ERC2: variants seen among roughly 807,000 people sequenced by gnomAD.
The protein encoded by ERC2 is ELKS/RAB6-interacting/CAST family member 2.
In ERC2, 42 loss-of-function variants were observed where a neutral mutation model predicts 114.8. The observed-to-expected ratio is 0.37, with a 90% CI of 0.29 to 0.47. The LOEUF is 0.47. Ranked by LOEUF, ERC2 falls within the 20% of genes least tolerant of loss-of-function variation. The probability of loss-of-function intolerance (pLI) is 0.99; values close to 1 mark genes in which losing one functional copy is unlikely to be tolerated. For synonymous variants in ERC2, 454 were observed against 425.5 expected (o/e 1.07, Z -0.82); for missense variants, 939 against 1,150.7 (o/e 0.82, Z 2.66).
chr3:56,373,911 A>G (rs73073978), intron 2 of ERC2, among the ~76,000 whole-genome samples: 5,067 of 152,218 alleles, frequency 0.033, 178 homozygotes, highest in African/African-American at 0.081. Flanking sequence ...AAAAAAGTCA[A>G]ATTCATTCTT....
At chr3:56,441,976 C>T (rs759393258) in intron 1 of ERC2, among the ~76,000 whole-genome samples, 5 of 152,180 alleles carry the variant, frequency 3.3e-5, no homozygotes, top group Non-Finnish European at 7.4e-5. Context: ...AGTTCAAGTC[C>T]AGCCTGGGCA....
intron 3 of ERC2, among the ~76,000 whole-genome samples, chr3:56,279,555 C>T (rs1220626295): frequency 6.6e-6 from 1 of 152,148 alleles, no homozygotes; most frequent in Non-Finnish European, 1.5e-5. Flanking sequence ...TCAGCAAAGC[C>T]AGAGTTTAAG....
intron 14 of ERC2, among the ~76,000 whole-genome samples, chr3:55,764,197 T>C (rs2067627171): frequency 6.6e-6 from 1 of 152,262 alleles, no homozygotes; most frequent in Non-Finnish European, 1.5e-5. Flanking sequence ...TGTTTATCTC[T>C]CTGAAGATGG....
intron 3 of ERC2, among the ~76,000 whole-genome samples, chr3:56,190,515 C>A (rs1257623159): frequency 4.6e-5 from 7 of 152,158 alleles, no homozygotes; most frequent in Non-Finnish European, 8.8e-5. Flanking sequence ...CTCACTGCAG[C>A]CTCAACCTCC....
chr3:56,106,374 G>A (rs906901652), intron 6 of ERC2, among the ~76,000 whole-genome samples: 3 of 152,206 alleles, frequency 2.0e-5, no homozygotes, highest in African/African-American at 4.8e-5. Context: ...AGCTCCCTTC[G>A]TGGAGGTCTG....
intron 14 of ERC2, among the ~76,000 whole-genome samples, chr3:55,885,589 C>A (rs1369807198): frequency 1.3e-5 from 2 of 152,056 alleles, no homozygotes; most frequent in African/African-American, 4.8e-5. Context: ...TGGCAATTCA[C>A]CAAAAGAGGT....
intron 2 of ERC2, among the ~76,000 whole-genome samples, chr3:56,336,079 C>T (rs182423594): frequency 2.6e-5 from 4 of 152,146 alleles, no homozygotes; most frequent in South Asian, 2.1e-4. Flanking sequence ...AAACACCATA[C>T]GCAAAAGCCC....
intron 3 of ERC2, among the ~76,000 whole-genome samples, chr3:56,283,464 A>T (rs1404836095): frequency 2.0e-5 from 3 of 152,138 alleles, no homozygotes; most frequent in Non-Finnish European, 2.9e-5. Context: ...GACCCCATCT[A>T]AAAAATAAAA....
At chr3:55,922,133 C>G (rs2065466267) in intron 13 of ERC2, among the ~76,000 whole-genome samples, 1 of 152,058 alleles carries the variant, frequency 6.6e-6, no homozygotes, top group South Asian at 2.1e-4. Flanking sequence ...TACTTCTGAC[C>G]CACATAGTTT....
At chr3:55,742,179 G>C (rs1005514740) in intron 14 of ERC2, among the ~76,000 whole-genome samples, 4 of 151,708 alleles carry the variant, frequency 2.6e-5, no homozygotes, top group Non-Finnish European at 4.4e-5. Flanking sequence ...GCCTTCTTTT[G>C]AGTGTCGCCT....
chr3:56,149,479 GAT>G (rs1218684851), intron 4 of ERC2, among the ~76,000 whole-genome samples: 5 of 152,146 alleles, frequency 3.3e-5, no homozygotes, highest in African/African-American at 1.2e-4. Context: ...TTTAATCTGG[GAT>G]ATAGTTTACC....
At chr3:56,287,321 T>C (rs560031872) in intron 3 of ERC2, among the ~76,000 whole-genome samples, 2 of 152,320 alleles carry the variant, frequency 1.3e-5, no homozygotes, top group African/African-American at 4.8e-5. Context: ...AAAAAAATTG[T>C]AAAATAAAAC....
chr3:56,403,745 C>G (rs564203169), intron 2 of ERC2, among the ~76,000 whole-genome samples: 1 of 152,310 alleles, frequency 6.6e-6, no homozygotes, highest in East Asian at 1.9e-4. Context: ...TTCTAGAAGT[C>G]CATATTTCTC....
intron 3 of ERC2, among the ~76,000 whole-genome samples, chr3:56,292,470 G>C (rs2055155417): frequency 6.6e-6 from 1 of 151,454 alleles, no homozygotes; most frequent in Admixed American, 6.6e-5. Context: ...CATGCCTGTA[G>C]TCCCAACTAT....
At chr3:55,833,778 A>G (rs554246417) in intron 14 of ERC2, among the ~76,000 whole-genome samples, 1 of 152,310 alleles carries the variant, frequency 6.6e-6, no homozygotes, top group South Asian at 2.1e-4. Flanking sequence ...TTAAATGTAA[A>G]TGGACAAAAT....
chr3:56,413,031 C>T (rs1222770492), intron 2 of ERC2, among the ~76,000 whole-genome samples: 1 of 152,210 alleles, frequency 6.6e-6, no homozygotes, highest in Non-Finnish European at 1.5e-5. Flanking sequence ...ACCTCTTAGC[C>T]AGTCCTTACT....
chr3:55,846,715 C>CTCTG (rs2061386376), intron 14 of ERC2, among the ~76,000 whole-genome samples: 1 of 151,386 alleles, frequency 6.6e-6, no homozygotes, highest in Non-Finnish European at 1.5e-5. Flanking sequence ...CTCTCTCTCT[C>CTCTG]TCTCTGCATT....
At chr3:56,429,436 A>G (rs955123823) in intron 2 of ERC2, among the ~76,000 whole-genome samples, 9 of 152,186 alleles carry the variant, frequency 5.9e-5, no homozygotes, top group African/African-American at 2.2e-4. Flanking sequence ...CTATGGGTTC[A>G]TGGCATTCCA....
intron 17 of ERC2, among the ~76,000 whole-genome samples, chr3:55,666,170 G>A (rs781264955): frequency 6.6e-6 from 1 of 152,180 alleles, no homozygotes; most frequent in Non-Finnish European, 1.5e-5. Flanking sequence ...GAGCTCATCA[G>A]CGGTGGAGCG....
Sources: gnomAD v4.1 joint callset for allele counts (sites outside exome capture counted in the v4.1 genomes callset) on GRCh38, gnomAD v4.1.1 for gene constraint, MANE v1.5 for transcripts, NCBI Gene and HGNC (gene_info 2026-07-23, HGNC 2026-07-21) for gene names.